The following TIA1 variants were observed in gnomAD, a reference collection of about 807,000 sequenced individuals.
The protein encoded by TIA1 is TIA1 cytotoxic granule associated RNA binding protein.
In TIA1, 23 loss-of-function variants were observed where a neutral mutation model predicts 65.9. The ratio of observed to expected loss-of-function variants is 0.35; its 90% CI spans 0.25 to 0.49. TIA1 has a LOEUF of 0.49. TIA1 is among the 20% of genes least tolerant of loss of function. The pLI is 0.98. For missense variants in TIA1, 371 were observed against 477.9 expected, an observed-to-expected ratio of 0.78 and a Z score of 2.09; for synonymous variants, 147 against 149.4, an observed-to-expected ratio of 0.98 and a Z score of 0.12.
intron 1 of TIA1, among the ~76,000 whole-genome samples, chr2:70,246,710 A>AC (rs1173888156): frequency 5.9e-5 from 9 of 151,984 alleles, no homozygotes; most frequent in Non-Finnish European, 1.3e-4. Flanking sequence ...ACATGGTGAA[A>AC]CCCCATCTCT....
chr2:70,234,203 A>G (rs1687787886), intron 2 of TIA1, among the ~76,000 whole-genome samples: 1 of 152,244 alleles, frequency 6.6e-6, no homozygotes, highest in South Asian at 2.1e-4. Flanking sequence ...TTCCTCATAC[A>G]TGAAATGAAA....
At chr2:70,214,710 T>C (rs1677870141) in intron 11 of TIA1, among the ~76,000 whole-genome samples, 2 of 151,984 alleles carry the variant, frequency 1.3e-5, no homozygotes, top group Admixed American at 1.3e-4. Context: ...CTCTACGTGA[T>C]ACTCTGAATG....
chr2:70,217,079 T>A, intron 7 of TIA1, 85 bp from the exon 8 acceptor site: 2 of 1,373,360 alleles, frequency 1.5e-6, no homozygotes, highest in South Asian at 3.7e-5. Context: ...AACTTGGTGC[T>A]TTTCACAAAT....
At chr2:70,231,483 C>G (rs980883844) in intron 2 of TIA1, among the ~76,000 whole-genome samples, 1 of 151,922 alleles carries the variant, frequency 6.6e-6, no homozygotes, top group South Asian at 2.1e-4. Flanking sequence ...AATCACACTG[C>G]TTTTATACAT....
At position 70,224,956 on chromosome 2, in the gene TIA1, G is replaced by A; in HGVS notation, c.399-327C>T. 6 of 1,060,060 alleles carry A rather than the reference G, an allele frequency of 5.7e-6. No homozygotes were observed. The South Asian group carries it at 1.8e-4, about 31-fold the overall frequency. The allele number at this position is 1,060,060 out of a possible 1,614,324, so 65.7% of individuals were successfully genotyped here. A position where few individuals can be genotyped will look rare whatever the true frequency, so the allele number is the denominator to read the frequency against. On this transcript the variant is annotated intron_variant, in intron 6 of 12. Transcript: ENST00000433529. Reference sequence around the variant, plus strand: ...TACTTAACCACTTATAAAGTTCACAGGACATTAGATGAATGGCTTTCTTTA... The same window carrying A: ...TACTTAACCACTTATAAAGTTCACAAGACATTAGATGAATGGCTTTCTTTA...
chr2:70,228,695 A>G, intron 5 of TIA1: 1 of 985,406 alleles, frequency 1.0e-6, no homozygotes, highest in African/African-American at 1.7e-5. Context: ...ACAGGCCTTA[A>G]ACAACATTTT....
Position 70,209,932 on chromosome 2 carries a change from T to C in TIA1, c.*2787A>G. On this transcript the variant is annotated 3_prime_UTR_variant, in exon 13 of 13. Transcript: ENST00000433529. Reference sequence around the variant, plus strand: ...ATAACACACAAATAAAAGGAAGATGTACAAGCACAGGGACAAAACAGGAGG... The same window carrying C: ...ATAACACACAAATAAAAGGAAGATGCACAAGCACAGGGACAAAACAGGAGG... 5.2e-6 allele frequency: 2 copies of C among 387,374 alleles called. No homozygotes were observed. Among genetic ancestry groups the C allele is most frequent in the Non-Finnish European group, 9.1e-6 (2 of 219,304 alleles). 24.0% of individuals were successfully genotyped at this position (387,374 alleles called of 1,614,324 possible).
Position 70,209,931 on chromosome 2 carries a change from G to A in TIA1, c.*2788C>T, listed in dbSNP as rs1303755247. The A allele has an allele frequency of 1.3e-5, 5 of 387,310 alleles. No homozygotes were observed. The highest frequency in any genetic ancestry group is 2.1e-5 in the African/African-American group (1 of 48,402). The allele number at this position is 387,310 out of a possible 1,614,324, so 24.0% of individuals were successfully genotyped here. On this transcript the variant is annotated 3_prime_UTR_variant, in exon 13 of 13. Coordinates refer to ENST00000433529, the MANE Select transcript of TIA1 (RefSeq NM_022173.4). ...TATAACACACAAATAAAAGGAAGAT[G>A]TACAAGCACAGGGACAAAACAGGAG...
chr2:70,248,693 ACT>A (rs1269513246), upstream of TIA1: 18 of 552,966 alleles, frequency 3.3e-5, no homozygotes, highest in Admixed American at 1.2e-4. Flanking sequence ...ATAATCTTGC[ACT>A]CTCAACCTCC....
At chr2:70,225,344 C>A in intron 6 of TIA1, 7 of 1,287,738 alleles carry the variant, frequency 5.4e-6, no homozygotes, top group Non-Finnish European at 5.1e-6. Flanking sequence ...CCACTGTGAA[C>A]CGTAGCTTGT....
chr2:70,228,795 A>G, intron 5 of TIA1: 2 of 1,365,466 alleles, frequency 1.5e-6, no homozygotes, highest in Non-Finnish European at 1.9e-6. Context: ...TCAAGAAAGG[A>G]GGGTATTTTG....
intron 6 of TIA1, among the ~76,000 whole-genome samples, chr2:70,226,631 G>A (rs140562856): frequency 0.011 from 1,724 of 152,212 alleles, 33 homozygotes; most frequent in African/African-American, 0.037. Flanking sequence ...ATTGTGCATA[G>A]AGATTTAGAG....
intron 2 of TIA1, among the ~76,000 whole-genome samples, chr2:70,235,277 T>C (rs1688301959): frequency 6.6e-6 from 1 of 152,006 alleles, no homozygotes; most frequent in African/African-American, 2.4e-5. Flanking sequence ...TAGCCAGGTG[T>C]AGTGGCGCAT....
At chr2:70,242,494 C>CAAAAAAAAAAAAAAAAAA (rs11380260) in intron 1 of TIA1, among the ~76,000 whole-genome samples, 1 of 33,472 alleles carries the variant, frequency 3.0e-5, no homozygotes, top group African/African-American at 1.4e-4. Flanking sequence ...GACTCAGTCT[C>CAAAAAAAAAAAAAAAAAA]AAAAAAAAAA....
At chr2:70,231,448 T>TA (rs201330386) in intron 2 of TIA1, among the ~76,000 whole-genome samples, 9,336 of 142,150 alleles carry the variant, frequency 0.066, 340 homozygotes, top group East Asian at 0.19. Flanking sequence ...AATTAAAAAG[T>TA]AAAAAAAAAA....
chr2:70,248,004 G>A (rs1294326499), intron 1 of TIA1, among the ~76,000 whole-genome samples: 1 of 151,776 alleles, frequency 6.6e-6, no homozygotes, highest in Non-Finnish European at 1.5e-5. Flanking sequence ...ATTAAAGGGA[G>A]ACGGCTGTAA....
chr2:70,234,949 T>C (rs182640817), intron 2 of TIA1, among the ~76,000 whole-genome samples: 1 of 152,144 alleles, frequency 6.6e-6, no homozygotes, highest in Non-Finnish European at 1.5e-5. Flanking sequence ...CACACATACA[T>C]GATTGTCTTT....
intron 5 of TIA1, chr2:70,228,538 A>C: frequency 8.8e-7 from 1 of 1,130,410 alleles, no homozygotes; most frequent in Non-Finnish European, 1.1e-6. Context: ...GAGAGAAATA[A>C]CCAACCCATA....
intron 3 of TIA1, among the ~76,000 whole-genome samples, chr2:70,229,950 CA>C (rs1385986869): frequency 2.1e-5 from 3 of 140,594 alleles, no homozygotes; most frequent in Non-Finnish European, 4.7e-5. Context: ...AAAAAAAAAA[CA>C]AAAAAACCTG....
Sources: gnomAD v4.1 joint callset for allele counts (sites outside exome capture counted in the v4.1 genomes callset) on GRCh38, gnomAD v4.1.1 for gene constraint, MANE v1.5 for transcripts, NCBI Gene and HGNC (gene_info 2026-07-23, HGNC 2026-07-21) for gene names.